RIOX1: variants seen among roughly 807,000 people sequenced by gnomAD.
RIOX1 encodes ribosomal oxygenase 1, also known as 60S ribosomal protein L8 histidine hydroxylase.
RIOX1 carries 33 observed loss-of-function variants against 44.6 expected under a neutral mutation model. The ratio of observed to expected loss-of-function variants is 0.74; its 90% CI spans 0.56 to 0.99. The LOEUF is 0.99. Ranked by LOEUF, RIOX1 falls within the 50% of genes least tolerant of loss-of-function variation. The pLI is 0.00. For synonymous variants in RIOX1, 387 were observed against 395.8 expected (o/e 0.98, Z 0.26); for missense variants, 821 against 871.7 (o/e 0.94, Z 0.73).
Position 73,492,150 on chromosome 14 carries a change from G to T in RIOX1, c.1133G>T (p.Ser378Ile). The change falls in exon 1 of 1, where the codon AGT becomes ATT. Residue 378 changes from serine to isoleucine, a missense_variant. Around this residue, in one of 2 missense-constraint regions of RIOX1, gnomAD observed 267 missense variants for 340.5 expected, o/e 0.78. Transcript: ENST00000304061. The surrounding 1 kb of genome is among the most constrained non-coding windows in gnomAD (Gnocchi z 4.9). ...GCTCTGACATCCAGCCCCAACTTCA[G>T]TCAGGACGACCTCGGTGAGCCGGTG... ...ELALTSSPNF[S>I]QDDLGEPVLQ... The T allele has an allele frequency of 6.2e-7, 1 of 1,613,990 alleles. No individual in the cohort carries two copies. Among genetic ancestry groups the T allele is most frequent in the Non-Finnish European group, 8.5e-7 (1 of 1,179,898 alleles).
At position 73,491,668 on chromosome 14, in the gene RIOX1, C is replaced by G. The variant is rs778314813; in HGVS notation, c.651C>G (p.His217Gln). The G allele has an allele frequency of 1.3e-6, 2 of 1,549,992 alleles. 1 individual carries two copies. The highest frequency in any genetic ancestry group is 2.4e-5 in the South Asian group (2 of 84,050). ...TCATCGCGCCCATGCCGCCAGATCACTTTTACCGGCGCCTATGGGAGCGCG... is the reference window on the plus strand; with the variant it reads ...TCATCGCGCCCATGCCGCCAGATCAGTTTTACCGGCGCCTATGGGAGCGCG... ...EWLIAPMPPDHFYRRLWEREA... is the reference protein window; with the variant it reads ...EWLIAPMPPDQFYRRLWEREA... The change falls in exon 1 of 1, where the codon CAC becomes CAG. Residue 217 changes from histidine to glutamine, a missense_variant. Physicochemically the swap from His to Gln is conservative, Grantham distance 24. Transcript: ENST00000304061.
chr14:73,493,248 T>C lies in RIOX1; in HGVS notation c.*305T>C, dbSNP rs911846302. 12 of 765,970 alleles carry C rather than the reference T, an allele frequency of 1.6e-5. No individual in the cohort carries two copies. The African/African-American group carries it at 2.1e-4, about 13-fold the overall frequency. 47.4% of individuals were successfully genotyped at this position (765,970 alleles called of 1,614,324 possible). ...TACTGGGTAACACTGACCATGTCGTTCTGCTTGAGACAGATATTAGATTTT... is the reference window on the plus strand; with the variant it reads ...TACTGGGTAACACTGACCATGTCGTCCTGCTTGAGACAGATATTAGATTTT... On this transcript the variant is annotated 3_prime_UTR_variant, in exon 1 of 1. Coordinates refer to ENST00000304061, the MANE Select transcript of RIOX1 (RefSeq NM_024644.5).
chr14:73,491,764 G>T lies in RIOX1; in HGVS notation c.747G>T (p.Ser249=). 1 of 1,566,306 alleles carries T rather than the reference G, an allele frequency of 6.4e-7. No homozygotes were observed. The highest frequency in any genetic ancestry group is 8.6e-7 in the Non-Finnish European group (1 of 1,156,220). The change falls in exon 1 of 1, where the codon TCG becomes TCT. Residue 249 remains serine, a synonymous_variant. Transcript: ENST00000304061. ...QGLFSTADLD[S]MLRNEEVQFG... ...TTTTCTCTACCGCTGACCTGGATTC[G>T]ATGCTGCGCAACGAGGAGGTGCAGT...
rs768149214 is a variant in RIOX1, at chr14:73,492,956, T to A, written c.*13T>A. The A allele has an allele frequency of 6.2e-7, 1 of 1,610,944 alleles. No individual in the cohort carries two copies. The highest frequency in any genetic ancestry group is 1.7e-5 in the Admixed American group (1 of 59,660). ...AGCCCTAAATTAGTTTCTTGTTGAT[T>A]GCTGGAAACAAGGCAGTAGTGATTC... On this transcript the variant is annotated 3_prime_UTR_variant, in exon 1 of 1. Transcript: ENST00000304061. This position sits in a 1 kb window ranked among gnomAD's most constrained non-coding sequence, Gnocchi z 4.9.
At position 73,492,496 on chromosome 14, in the gene RIOX1, T is replaced by G. The variant is rs1387921690; in HGVS notation, c.1479T>G (p.Pro493=). The change falls in exon 1 of 1, where the codon CCT becomes CCG. Residue 493 remains proline, a synonymous_variant. Transcript: ENST00000304061. The surrounding 1 kb of genome is among the most constrained non-coding windows in gnomAD (Gnocchi z 4.9). ...TTGCCCGCCTGGGACACTTTGCTCC[T>G]GTTGATGCTGTGGCCGACCAGCGAG... ...VLVARLGHFA[P]VDAVADQRAK... is the part of the protein sequence containing the mutation. The G allele has an allele frequency of 1.9e-6, 3 of 1,613,562 alleles. No individual in the cohort carries two copies. Among genetic ancestry groups the G allele is most frequent in the Non-Finnish European group, 2.5e-6 (3 of 1,179,746 alleles).
rs1172712436 is a variant in RIOX1, at chr14:73,491,721, A to T, written c.704A>T (p.His235Leu). ...REAVLVRRQD[H>L]TYYQGLFSTA... ...GCGGTGCTGGTGCGGCGGCAGGACC[A>T]CACCTACTACCAGGGACTTTTCTCT... Residue 235 changes from histidine to leucine, a missense_variant, in exon 1 of 1, where the codon CAC (histidine) becomes CTC (leucine). This residue lies in a region of RIOX1 where 554 missense variants were observed against 531.2 expected (regional missense o/e 1.04). Transcript: ENST00000304061. The T allele has an allele frequency of 1.3e-6, 2 of 1,551,464 alleles. No individual in the cohort carries two copies. Among genetic ancestry groups the T allele is most frequent in the East Asian group, 4.9e-5 (2 of 41,020 alleles).
In RIOX1 at chr14:73,492,290, C is replaced by G. The variant is rs1199065998; in HGVS notation, c.1273C>G (p.Arg425Gly). The G allele has an allele frequency of 6.2e-7, 1 of 1,613,912 alleles. No homozygotes were observed. Among genetic ancestry groups the G allele is most frequent in the Non-Finnish European group, 8.5e-7 (1 of 1,179,922 alleles). ...GCACCTCACCTTGTCCACGTACCAG[C>G]GCAATACCTGGGGTGACTTCTTAGA... is the stretch of plus-strand genomic sequence containing the variant. ...SLHLTLSTYQRNTWGDFLEAI... is the reference protein window; with the variant it reads ...SLHLTLSTYQGNTWGDFLEAI... Residue 425 changes from arginine to glycine, a missense_variant, in exon 1 of 1, where the codon CGC becomes GGC. Coordinates refer to ENST00000304061, the MANE Select transcript of RIOX1 (RefSeq NM_024644.5). The surrounding 1 kb of genome is among the most constrained non-coding windows in gnomAD (Gnocchi z 4.9).
chr14:73,493,181 A>T lies in RIOX1; in HGVS notation c.*238A>T. ...GTGGAAAAAAAACCCTTGATCCGTG[A>T]TCATTTCAGAGCACCAACTTCATCA... On this transcript the variant is annotated 3_prime_UTR_variant, in exon 1 of 1. Transcript: ENST00000304061. 1 of 1,419,840 alleles carries T rather than the reference A, an allele frequency of 7.0e-7. No homozygotes were observed. The highest frequency in any genetic ancestry group is 1.2e-5 in the South Asian group (1 of 86,658). The allele number at this position is 1,419,840 out of a possible 1,614,324, so 88.0% of individuals were successfully genotyped here.
chr14:73,492,094 A>G lies in RIOX1; in HGVS notation c.1077A>G (p.Val359=). 2 of 1,613,952 alleles carry G rather than the reference A, an allele frequency of 1.2e-6. No individual in the cohort carries two copies. Among genetic ancestry groups the G allele is most frequent in the African/African-American group, 2.7e-5 (2 of 75,032 alleles). Reference sequence around the variant, plus strand: ...TGGAAGGTAGGAAACTCTGGCGTGTATACCGACCCCGAGTCCCAACCGAGG... The same window carrying G: ...TGGAAGGTAGGAAACTCTGGCGTGTGTACCGACCCCGAGTCCCAACCGAGG... ...LQLEGRKLWR[V]YRPRVPTEEL... Residue 359 remains valine (V), a synonymous_variant, in exon 1 of 1, where the codon GTA becomes GTG. Coordinates refer to ENST00000304061, the MANE Select transcript of RIOX1 (RefSeq NM_024644.5). This position sits in a 1 kb window ranked among gnomAD's most constrained non-coding sequence, Gnocchi z 4.9.
In RIOX1 at chr14:73,491,064, C is replaced by G; in HGVS notation, c.47C>G (p.Pro16Arg). 1 of 1,593,322 alleles carries G rather than the reference C, an allele frequency of 6.3e-7. No homozygotes were observed. ...GCAGGGCCGTTGAGGCGCGGGCGGC[C>G]GAAGCGCCGGCGCAAGCCCCAGCCA... ...ASAGPLRRGR[P>R]KRRRKPQPHS... The change falls in exon 1 of 1, where the codon CCG becomes CGG. Residue 16 changes from proline to arginine, a missense_variant. By Grantham distance (103) the Pro-to-Arg change is moderately radical. Around this residue, in one of 2 missense-constraint regions of RIOX1, gnomAD observed 554 missense variants for 531.2 expected, o/e 1.04. Coordinates refer to ENST00000304061, the MANE Select transcript of RIOX1 (RefSeq NM_024644.5).
rs1409023637 is a variant in RIOX1 at position 73,492,723 on chromosome 14, A to G, written c.1706A>G (p.Tyr569Cys). 1.2e-6 allele frequency: 2 copies of G among 1,613,842 alleles called. No individual in the cohort carries two copies. Among genetic ancestry groups the G allele is most frequent in the African/African-American group, 1.3e-5 (1 of 74,916 alleles). Reference protein sequence around the residue: ...VGEGGHLFLYYTVENSRVYHL... With the variant: ...VGEGGHLFLYCTVENSRVYHL... ...GAGGGGGGCCATTTGTTTCTCTATT[A>G]CACAGTGGAAAACTCCCGTGTGTAT... Residue 569 changes from tyrosine to cysteine, a missense_variant, in exon 1 of 1, where the codon TAC becomes TGC. Tyr to Cys is a radical substitution (Grantham distance 194, BLOSUM62 -2). Around this residue, in one of 2 missense-constraint regions of RIOX1, gnomAD observed 267 missense variants for 340.5 expected, o/e 0.78. Transcript: ENST00000304061. The surrounding 1 kb of genome is among the most constrained non-coding windows in gnomAD (Gnocchi z 4.9).
rs10144461 is a variant in RIOX1 at position 73,490,977 on chromosome 14, C to G, written c.-41C>G. The G allele has an allele frequency of 0.72, 951,718 of 1,315,852 alleles. 346,160 individuals carry two copies. Among genetic ancestry groups the G allele is most frequent in the East Asian group, 0.88 (28,790 of 32,558 alleles). 81.5% of individuals were successfully genotyped at this position (1,315,852 alleles called of 1,614,324 possible). A position where few individuals can be genotyped will look rare whatever the true frequency, so the allele number is the denominator to read the frequency against. On this transcript the variant is annotated 5_prime_UTR_variant, in exon 1 of 1. Transcript: ENST00000304061. ...GCATTCAGGAACCGCTTTAGCTTCG[C>G]CCCCGGCCGGCCGGGCGGGGAAGAC...
In RIOX1 at chr14:73,491,324, G is replaced by C; in HGVS notation, c.307G>C (p.Ala103Pro). Residue 103 changes from alanine to proline, a missense_variant, in exon 1 of 1, where the codon GCA becomes CCA. Ala to Pro is a conservative substitution (Grantham distance 27). Coordinates refer to ENST00000304061, the MANE Select transcript of RIOX1 (RefSeq NM_024644.5). ...AGAGCCATACGGCCACCTGGGGCCC[G>C]CAGAGCTGCTGGAGGCCTCGCCCGC... ...RREPYGHLGP[A>P]ELLEASPAAR... 1 of 1,499,226 alleles carries C rather than the reference G, an allele frequency of 6.7e-7. No individual in the cohort carries two copies. The highest frequency in any genetic ancestry group is 8.9e-7 in the Non-Finnish European group (1 of 1,125,478). The allele number at this position is 1,499,226 out of a possible 1,614,324, so 92.9% of individuals were successfully genotyped here.
At position 73,491,052 on chromosome 14, in the gene RIOX1, GGCGCGGGCGGCCGAA is replaced by G; in HGVS notation, c.40_54del (p.Gly14_Arg18del). 6.3e-7 allele frequency: 1 copy of G among 1,590,016 alleles called. No individual in the cohort carries two copies. Among genetic ancestry groups the G allele is most frequent in the African/African-American group, 1.4e-5 (1 of 73,574 alleles). On this transcript the variant is annotated inframe_deletion, in exon 1 of 1. Transcript: ENST00000304061. ...CTCCAGGCCAGTGCAGGGCCGTTGA[GGCGCGGGCGGCCGAA>G]GCGCCGGCGCAAGCCCCAGCCACAC...
Position 73,491,558 on chromosome 14 carries a change from T to G in RIOX1, c.541T>G (p.Trp181Gly). The change falls in exon 1 of 1, where the codon TGG (tryptophan) becomes GGG (glycine). Residue 181 changes from tryptophan to glycine, a missense_variant. Physicochemically the swap from Trp to Gly is radical, Grantham distance 184. Around this residue, in one of 2 missense-constraint regions of RIOX1, gnomAD observed 554 missense variants for 531.2 expected, o/e 1.04. Transcript: ENST00000304061. ...GGATAACACGGGTGGGGAGCCGGCC[T>G]GGGACTCCCCGCTGCGGCGCGTCTT... ...QVDNTGGEPA[W>G]DSPLRRVLAE... 1.3e-6 allele frequency: 2 copies of G among 1,539,202 alleles called. No individual in the cohort carries two copies. Among genetic ancestry groups the G allele is most frequent in the Non-Finnish European group, 1.7e-6 (2 of 1,144,618 alleles).
At position 73,492,083 on chromosome 14, in the gene RIOX1, C is replaced by G; in HGVS notation, c.1066C>G (p.Leu356Val). ...CGTGCTGCAGCTGGAAGGTAGGAAA[C>G]TCTGGCGTGTATACCGACCCCGAGT... ...AFVLQLEGRK[L>V]WRVYRPRVPT... Residue 356 changes from leucine (L) to valine (V), a missense_variant, in exon 1 of 1, where the codon CTC (leucine) becomes GTC (valine). Coordinates refer to ENST00000304061, the MANE Select transcript of RIOX1 (RefSeq NM_024644.5). This position sits in a 1 kb window ranked among gnomAD's most constrained non-coding sequence, Gnocchi z 4.9. 6.2e-7 allele frequency: 1 copy of G among 1,613,960 alleles called. No homozygotes were observed. Among genetic ancestry groups the G allele is most frequent in the Middle Eastern group, 1.6e-4 (1 of 6,062 alleles).
At position 73,491,011 on chromosome 14, in the gene RIOX1, T is replaced by G. The variant is rs748966519; in HGVS notation, c.-7T>G. ...GGCCGGGCGGGGAAGACTGGTGTGG[T>G]CTGGCCATGGATGGGCTCCAGGCCA... On this transcript the variant is annotated 5_prime_UTR_variant, in exon 1 of 1. Coordinates refer to ENST00000304061, the MANE Select transcript of RIOX1 (RefSeq NM_024644.5). 3 of 1,452,490 alleles carry G rather than the reference T, an allele frequency of 2.1e-6. No homozygotes were observed. 90.0% of individuals were successfully genotyped at this position (1,452,490 alleles called of 1,614,324 possible).
In RIOX1 at chr14:73,491,839, C is replaced by A. The variant is rs1885773532; in HGVS notation, c.822C>A (p.Thr274=). ...AARYINGRRE[T]LNPPGRALPA... ...GCTACATCAACGGACGACGCGAGAC[C>A]CTGAACCCACCCGGCCGCGCGCTGC... Residue 274 remains threonine, a synonymous_variant, in exon 1 of 1, where the codon ACC becomes ACA. Transcript: ENST00000304061. 1 of 1,608,634 alleles carries A rather than the reference C, an allele frequency of 6.2e-7. No individual in the cohort carries two copies. Among genetic ancestry groups the A allele is most frequent in the Non-Finnish European group, 8.5e-7 (1 of 1,178,106 alleles).
Position 73,491,248 on chromosome 14 carries a change from CGCGCTACCCG to C in RIOX1, c.233_242del (p.Ala78ValfsTer75), listed in dbSNP as rs1885706192. The C allele has an allele frequency of 6.3e-7, 1 of 1,583,002 alleles. No homozygotes were observed. Among genetic ancestry groups the C allele is most frequent in the South Asian group, 1.1e-5 (1 of 87,266 alleles). Reference sequence around the variant, plus strand: ...AGTCGACGGCCGACGACCTGGGGGACGCGCTACCCGGTGGGGCGGCGGTGGCGGCCGTCCC... The same window carrying C: ...AGTCGACGGCCGACGACCTGGGGGACGTGGGGCGGCGGTGGCGGCCGTCCC... On this transcript the variant is annotated frameshift_variant, in exon 1 of 1. Transcript: ENST00000304061. LOFTEE classifies it high-confidence loss of function.
Sources: allele counts gnomAD v4.1 joint callset, GRCh38; gene constraint gnomAD v4.1.1; regional missense constraint gnomAD v4.1.1; non-coding constraint Gnocchi (gnomAD v3.1); transcripts MANE v1.5; gene names NCBI Gene and HGNC (gene_info 2026-07-23, HGNC 2026-07-21).